KTN1: variants seen among roughly 807,000 people sequenced by gnomAD.
KTN1 encodes the protein kinectin.
In KTN1, 130 loss-of-function variants were observed where a neutral mutation model predicts 222.5. The observed-to-expected ratio is 0.58, with a 90% confidence interval of 0.51 to 0.68. The LOEUF is 0.68. KTN1 is among the 30% of genes least tolerant of loss of function. The pLI is 0.00. For synonymous variants in KTN1, 512 were observed against 496.3 expected (o/e 1.03, Z -0.42); for missense variants, 1,508 against 1,500.4 (o/e 1.01, Z -0.08).
At chr14:55,598,434 CA>C (rs555607541) in intron 1 of KTN1, among the ~76,000 whole-genome samples, 178 of 57,762 alleles carry the variant, frequency 3.1e-3, no homozygotes, top group Admixed American at 4.0e-3. Context: ...GACTCCATCT[CA>C]AAAAAAAAAA....
intron 6 of KTN1, among the ~76,000 whole-genome samples, chr14:55,628,897 A>G (rs1203984032): frequency 6.6e-6 from 1 of 152,190 alleles, no homozygotes; most frequent in Non-Finnish European, 1.5e-5. Flanking sequence ...AGTATGTTAT[A>G]CAGGAGTATA....
chr14:55,610,855 C>G (rs1415946602), intron 1 of KTN1, among the ~76,000 whole-genome samples: 2 of 152,212 alleles, frequency 1.3e-5, no homozygotes, highest in Non-Finnish European at 2.9e-5. Context: ...TATGTATATT[C>G]AAGGCAGATG....
intron 32 of KTN1, chr14:55,662,796 G>A (rs2044290636): frequency 2.4e-6 from 1 of 416,876 alleles, no homozygotes; most frequent in African/African-American, 2.0e-5. Flanking sequence ...CCACTTCTGT[G>A]TTGGTATAAC....
intron 5 of KTN1, among the ~76,000 whole-genome samples, chr14:55,621,846 CTTTT>C (rs10618434): frequency 8.0e-5 from 10 of 124,226 alleles, no homozygotes; most frequent in African/African-American, 2.3e-4. Context: ...ATTTATATTA[CTTTT>C]TTTTTTTTTT....
intron 1 of KTN1, among the ~76,000 whole-genome samples, chr14:55,606,565 TAGC>T (rs2036754766): frequency 6.6e-6 from 1 of 152,110 alleles, no homozygotes; most frequent in African/African-American, 2.4e-5. Flanking sequence ...AAGAAAAGGA[TAGC>T]AGAAGCAAGA....
At chr14:55,608,145 T>G (rs2037016894) in intron 1 of KTN1, among the ~76,000 whole-genome samples, 1 of 152,248 alleles carries the variant, frequency 6.6e-6, no homozygotes, top group Admixed American at 6.5e-5. Context: ...TTTTCAGTTT[T>G]GCCTCCCTGC....
intron 24 of KTN1, 195 bp from the exon 25 acceptor site, chr14:55,651,695 C>G: frequency 1.9e-6 from 1 of 535,414 alleles, no homozygotes; most frequent in Admixed American, 3.7e-5. Context: ...GTCCCTCCCC[C>G]TTATTATTTT....
Position 55,673,128 on chromosome 14 carries a change from G to A in KTN1, c.3688-44G>A, listed in dbSNP as rs1265162911. On this transcript the variant is annotated intron_variant, in intron 39 of 43. Transcript: ENST00000395314. ...CTTCCGAGTAGCATACAAAACATGGGCTATCATAAGGAGATCAATCTTAAA... is the reference window on the plus strand; with the variant it reads ...CTTCCGAGTAGCATACAAAACATGGACTATCATAAGGAGATCAATCTTAAA... The A allele has an allele frequency of 4.6e-6, 7 of 1,522,100 alleles. No homozygotes were observed. In the African/African-American group the frequency reaches 8.2e-5, roughly 18 times the overall value. 94.3% of individuals were successfully genotyped at this position (1,522,100 alleles called of 1,614,324 possible).
At chr14:55,635,548 A>G (rs375272885) in intron 9 of KTN1, among the ~76,000 whole-genome samples, 2 of 152,298 alleles carry the variant, frequency 1.3e-5, no homozygotes, top group East Asian at 1.9e-4. Context: ...CCAGAGTGTC[A>G]CTTGGTCCAG....
chr14:55,585,911 C>G (rs1368225120), intron 1 of KTN1, among the ~76,000 whole-genome samples: 1 of 152,152 alleles, frequency 6.6e-6, no homozygotes, highest in Non-Finnish European at 1.5e-5. Flanking sequence ...ACCCTTATTT[C>G]TTTATTTTGA....
At chr14:55,657,397 G>GTTTTTTTTTTTTTTTTTTTTTT (rs35297700) in intron 29 of KTN1, among the ~76,000 whole-genome samples, 8 of 137,678 alleles carry the variant, frequency 5.8e-5, no homozygotes, top group African/African-American at 1.4e-4. Context: ...CTGAGTTGAC[G>GTTTTTTTTTTTTTTTTTTTTTT]TTTTTTTTTT....
rs1215254901 is a variant in KTN1 at position 55,675,081 on chromosome 14, TC to T, written c.3772-749del. 5.3e-5 allele frequency: 8 copies of T among 152,256 alleles called. 1 individual carries two copies. The highest frequency in any genetic ancestry group is 1.9e-4 in the African/African-American group (8 of 41,572). The allele number at this position is 152,256 out of a possible 1,614,324, so 9.4% of individuals were successfully genotyped here. A position where few individuals can be genotyped will look rare whatever the true frequency, so the allele number is the denominator to read the frequency against. ...ATTTTAAATGTCACTGCCTTGTCTT[TC>T]CCCCTTTGGGCCTCTAGAACTGTTT... On this transcript the variant is annotated intron_variant, in intron 40 of 43. Transcript: ENST00000395314.
At chr14:55,667,413 G>T in intron 34 of KTN1, 83 bp downstream of exon 34, 1 of 713,504 alleles carries the variant, frequency 1.4e-6, no homozygotes, top group African/African-American at 1.8e-5. Flanking sequence ...CACTCCACTT[G>T]GTTTCAGTAG....
chr14:55,683,864 T>C, intron 43 of KTN1: 1 of 424,102 alleles, frequency 2.4e-6, no homozygotes, highest in Non-Finnish European at 4.2e-6. Flanking sequence ...TTGTTTTAAA[T>C]GTTTTCTAAC....
chr14:55,647,345 T>C (rs1050863627), intron 19 of KTN1, among the ~76,000 whole-genome samples: 3 of 152,066 alleles, frequency 2.0e-5, no homozygotes, highest in Admixed American at 6.6e-5. Flanking sequence ...AGAAATAATA[T>C]CATTAACTGC....
chr14:55,629,903 G>A, intron 6 of KTN1, 54 bp from the exon 7 acceptor site: 1 of 1,095,472 alleles, frequency 9.1e-7, no homozygotes, highest in South Asian at 1.4e-5. Context: ...ATTGTTGCAG[G>A]CTTATGATAC....
At chr14:55,611,013 T>A (rs1316673812) in intron 1 of KTN1, among the ~76,000 whole-genome samples, 1 of 152,254 alleles carries the variant, frequency 6.6e-6, no homozygotes, top group Non-Finnish European at 1.5e-5. Context: ...GCCTCGCTTT[T>A]GCTGTATAAC....
chr14:55,647,745 C>G (rs1051816084), intron 19 of KTN1, among the ~76,000 whole-genome samples: 4 of 150,136 alleles, frequency 2.7e-5, no homozygotes, highest in African/African-American at 9.8e-5. Context: ...GAGATCGAGA[C>G]CATCCTGGCT....
intron 29 of KTN1, 187 bp downstream of exon 29, chr14:55,656,319 C>G: frequency 7.7e-6 from 4 of 517,752 alleles, no homozygotes; most frequent in Non-Finnish European, 1.4e-5. Flanking sequence ...TGTATGTATA[C>G]TTGTTTATTA....
Sources: allele counts gnomAD v4.1 joint callset (sites outside exome capture counted in the v4.1 genomes callset), GRCh38; gene constraint gnomAD v4.1.1; transcripts MANE v1.5; gene names NCBI Gene and HGNC (gene_info 2026-07-23, HGNC 2026-07-21).